LARP1: variants seen among roughly 807,000 people sequenced by gnomAD.
LARP1 encodes la-related protein 1.
In LARP1, 36 loss-of-function variants were observed where a neutral mutation model predicts 122.7. The observed-to-expected ratio is 0.29, with a 90% CI of 0.22 to 0.39. LARP1 has a LOEUF of 0.39. Ranked by LOEUF, LARP1 falls within the 10% of genes least tolerant of loss-of-function variation. LARP1 has a pLI of 1.00. For missense variants in LARP1, 1,040 were observed against 1,403.6 expected, an observed-to-expected ratio of 0.74 and a Z score of 4.14; for synonymous variants, 539 against 528.7, an observed-to-expected ratio of 1.02 and a Z score of -0.27.
intron 16 of LARP1, 143 bp downstream of exon 16, chr5:154,808,746 T>C (rs1481376428): frequency 2.5e-6 from 2 of 807,024 alleles, no homozygotes; most frequent in African/African-American, 3.5e-5. Flanking sequence ...TGTTTTTAAA[T>C]GAGCAGTATA....
rs1753772014 is a variant in LARP1, at chr5:154,755,426, G to A, written c.-332G>A. Reference sequence around the variant, plus strand: ...CCGGGAAGCCCGGGCCGCCCCGGGGGCGGGGGGGAGGGAGGGACGGGACTA... The same window carrying A: ...CCGGGAAGCCCGGGCCGCCCCGGGGACGGGGGGGAGGGAGGGACGGGACTA... On this transcript the variant is annotated 5_prime_UTR_variant, in exon 1 of 19. Coordinates refer to ENST00000518297, the MANE Select transcript of LARP1 (RefSeq NM_033551.3). 1 of 450,964 alleles carries A rather than the reference G, an allele frequency of 2.2e-6. No individual in the cohort carries two copies. Among genetic ancestry groups the A allele is most frequent in the Non-Finnish European group, 2.9e-6 (1 of 341,774 alleles). 27.9% of individuals were successfully genotyped at this position (450,964 alleles called of 1,614,324 possible).
chr5:154,711,813 A>C (rs544482524), upstream of LARP1, among the ~76,000 whole-genome samples: 6 of 152,124 alleles, frequency 3.9e-5, no homozygotes, highest in Non-Finnish European at 8.8e-5. Flanking sequence ...CGGGGACCTT[A>C]TACTTGGGGT....
intron 1 of LARP1, among the ~76,000 whole-genome samples, chr5:154,731,361 C>T (rs1756556307): frequency 6.6e-6 from 1 of 152,138 alleles, no homozygotes; most frequent in Non-Finnish European, 1.5e-5. Flanking sequence ...AACATTTAAT[C>T]CTATTGATCT....
Position 154,691,675 on chromosome 5 carries a change from T to C in LARP1, c.-180+8638T>C, listed in dbSNP as rs758948845. Reference sequence around the variant, plus strand: ...CATTCCTCCCTCCGTCCCTGTTCCCTGGGGCAGCTCACGTGAATGGGCACC... The same window carrying C: ...CATTCCTCCCTCCGTCCCTGTTCCCCGGGGCAGCTCACGTGAATGGGCACC... On this transcript the variant is annotated intron_variant, in intron 1 of 18. Transcript: ENST00000687700. Among the ~76,000 whole-genome samples the C allele has an allele frequency of 2.5e-4, 38 of 152,198 alleles. 1 individual carries two copies. Among genetic ancestry groups the C allele is most frequent in the Admixed American group, 1.3e-4 (2 of 15,278 alleles).
chr5:154,797,221 G>GGTTTTTTTTT (rs1757940079), intron 8 of LARP1, among the ~76,000 whole-genome samples: 1 of 29,748 alleles, frequency 3.4e-5, no homozygotes, highest in African/African-American at 1.0e-4. Context: ...TGTTGTTGTT[G>GGTTTTTTTTT]TTTTTTTTTT....
intron 3 of LARP1, 112 bp downstream of exon 3, chr5:154,790,822 C>A: frequency 1.0e-6 from 1 of 984,096 alleles, no homozygotes; most frequent in South Asian, 1.5e-5. Context: ...TTCATTCTTT[C>A]TTTTTTTTCC....
intron 1 of LARP1, among the ~76,000 whole-genome samples, chr5:154,705,375 T>C (rs1200778832): frequency 6.6e-6 from 1 of 152,016 alleles, no homozygotes; most frequent in African/African-American, 2.4e-5. Context: ...TTTTTATTTA[T>C]TTATTTATTT....
At chr5:154,760,243 C>T in intron 1 of LARP1, among the ~76,000 whole-genome samples, 1 of 152,150 alleles carries the variant, frequency 6.6e-6, no homozygotes, top group East Asian at 1.9e-4. Flanking sequence ...GCGCCCGGCC[C>T]TAGGAGCTAC....
At chr5:154,759,988 G>C (rs535570287) in intron 1 of LARP1, among the ~76,000 whole-genome samples, 1 of 152,206 alleles carries the variant, frequency 6.6e-6, no homozygotes, top group South Asian at 2.1e-4. Context: ...CGCCCAGATT[G>C]GAGTGCAGTG....
intron 1 of LARP1, among the ~76,000 whole-genome samples, chr5:154,687,351 AT>A (rs1753982554): frequency 6.6e-6 from 1 of 151,998 alleles, no homozygotes; most frequent in African/African-American, 2.4e-5. Flanking sequence ...CCTTATGTTT[AT>A]TTTTTTCAGT....
chr5:154,781,325 G>A (rs1009422195), intron 1 of LARP1, among the ~76,000 whole-genome samples: 1 of 152,134 alleles, frequency 6.6e-6, no homozygotes, highest in South Asian at 2.1e-4. Flanking sequence ...CTACCTTCTG[G>A]GCTCACGCCT....
intron 8 of LARP1, among the ~76,000 whole-genome samples, chr5:154,797,573 G>T (rs112428247): frequency 6.6e-6 from 1 of 151,632 alleles, no homozygotes; most frequent in Non-Finnish European, 1.5e-5. Context: ...ACGTAGACTT[G>T]TGGATCTTTT....
At chr5:154,733,057 T>C (rs952406273) in intron 1 of LARP1, among the ~76,000 whole-genome samples, 1 of 152,096 alleles carries the variant, frequency 6.6e-6, no homozygotes, top group African/African-American at 2.4e-5. Context: ...GTCCCCAGGA[T>C]TGTCTCATTC....
chr5:154,756,733 G>A (rs927461327), intron 1 of LARP1, among the ~76,000 whole-genome samples: 1 of 152,324 alleles, frequency 6.6e-6, no homozygotes, highest in Non-Finnish European at 1.5e-5. Context: ...TCGGGGAGAT[G>A]AAATTGGGCT....
chr5:154,764,595 CAAAAAAA>C (rs1158921641), intron 1 of LARP1, among the ~76,000 whole-genome samples: 3 of 44,890 alleles, frequency 6.7e-5, no homozygotes, highest in South Asian at 1.2e-3. Context: ...GACCATGTCT[CAAAAAAA>C]AAAAAAAAAA....
upstream of LARP1, among the ~76,000 whole-genome samples, chr5:154,751,491 T>C (rs549245490): frequency 3.9e-5 from 6 of 152,344 alleles, no homozygotes; most frequent in African/African-American, 1.4e-4. Flanking sequence ...CGTACACTAG[T>C]TACCCAATAA....
chr5:154,795,888 A>G (rs1655592798), intron 8 of LARP1, among the ~76,000 whole-genome samples: 1 of 127,404 alleles, frequency 7.8e-6, no homozygotes, highest in African/African-American at 2.9e-5. Flanking sequence ...ATATACATTT[A>G]TATATATTTA....
In LARP1 at chr5:154,725,875, C is replaced by G. The variant is rs535701474; in HGVS notation, c.205+12745C>G. ...TTTTTTTTTGAGTTGAAGTCTCGCT[C>G]TGTCACCCAGGCTGGAGTACAGTGG... On this transcript the variant is annotated intron_variant, in intron 1 of 18. Transcript: ENST00000336314. Among the ~76,000 whole-genome samples, 237 of 152,216 alleles carry G rather than the reference C, an allele frequency of 1.6e-3. 1 individual carries two copies. The highest frequency in any genetic ancestry group is 5.2e-3 in the African/African-American group (216 of 41,538).
chr5:154,739,985 G>A (rs192623437), intron 1 of LARP1, among the ~76,000 whole-genome samples: 1 of 150,380 alleles, frequency 6.6e-6, no homozygotes, highest in African/African-American at 2.5e-5. Context: ...GATAGCCTGA[G>A]GCCAGGAGTT....
Sources: gnomAD v4.1 joint callset for allele counts (sites outside exome capture counted in the v4.1 genomes callset) on GRCh38, gnomAD v4.1.1 for gene constraint, MANE v1.5 for transcripts, NCBI Gene and HGNC (gene_info 2026-07-23, HGNC 2026-07-21) for gene names.